The following HSD17B2 variants were observed in gnomAD, a reference collection of about 807,000 sequenced individuals.
HSD17B2 encodes the protein 17-beta-hydroxysteroid dehydrogenase type 2.
Under a neutral mutation model 26.9 loss-of-function variants are expected in HSD17B2, and 32 were observed. That is an observed-to-expected ratio of 1.19 (90% CI 0.90 to 1.60). The LOEUF (loss-of-function observed/expected upper bound fraction) is 1.60, where lower values mean the gene tolerates loss of function less well. HSD17B2 is among the 40% of genes most tolerant of loss of function. HSD17B2 has a pLI of 0.00. For synonymous variants in HSD17B2, 246 were observed against 186.7 expected, an observed-to-expected ratio of 1.32 and a Z score of -2.59; for missense variants, 613 against 468.6, an observed-to-expected ratio of 1.31 and a Z score of -2.85.
chr16:82,097,130 G>A (rs1363779918), intron 4 of HSD17B2: 2 of 151,720 alleles, frequency 1.3e-5, no homozygotes, highest in Non-Finnish European at 2.9e-5. Context: ...GTGGGCTCGA[G>A]GGGTCCTCCC....
chr16:82,064,950 G>C (rs142632359), intron 1 of HSD17B2, among the ~76,000 whole-genome samples: 39 of 152,320 alleles, frequency 2.6e-4, no homozygotes, highest in African/African-American at 8.4e-4. Context: ...ATCGGACACT[G>C]CTTTGGATCT....
chr16:82,085,236 G>T (rs1904493320), intron 3 of HSD17B2, among the ~76,000 whole-genome samples: 1 of 152,186 alleles, frequency 6.6e-6, no homozygotes, highest in African/African-American at 2.4e-5. Context: ...CAGTCTCTCA[G>T]CTGCTCAGTG....
intron 3 of HSD17B2, among the ~76,000 whole-genome samples, chr16:82,079,883 T>C (rs1306285985): frequency 1.3e-5 from 2 of 152,186 alleles, no homozygotes; most frequent in African/African-American, 2.4e-5. Flanking sequence ...ATAGTAACTT[T>C]GGAAACATGC....
At chr16:82,074,680 C>T (rs1220462052) in intron 3 of HSD17B2, among the ~76,000 whole-genome samples, 3 of 152,120 alleles carry the variant, frequency 2.0e-5, no homozygotes, top group Admixed American at 2.0e-4. Context: ...CACCCAACAC[C>T]AGAGCACCCA....
intron 1 of HSD17B2, among the ~76,000 whole-genome samples, chr16:82,039,220 T>G (rs933104518): frequency 6.6e-6 from 1 of 151,092 alleles, no homozygotes; most frequent in African/African-American, 2.4e-5. Flanking sequence ...TTTGGGACTC[T>G]GTTTTCTCCT....
chr16:82,037,836 G>T (rs1913661017), intron 1 of HSD17B2, among the ~76,000 whole-genome samples: 1 of 152,204 alleles, frequency 6.6e-6, no homozygotes, highest in African/African-American at 2.4e-5. Context: ...CACGTCAAAT[G>T]CATAGATTCC....
At chr16:82,073,896 C>T (rs967122462) in intron 3 of HSD17B2, among the ~76,000 whole-genome samples, 4 of 152,068 alleles carry the variant, frequency 2.6e-5, no homozygotes, top group African/African-American at 9.7e-5. Context: ...ATAGTCAAGG[C>T]ACCACTAATC....
intron 1 of HSD17B2, among the ~76,000 whole-genome samples, chr16:82,057,256 T>C (rs1351047999): frequency 6.6e-6 from 1 of 151,668 alleles, no homozygotes; most frequent in East Asian, 1.9e-4. Context: ...TAGAGTGCAG[T>C]GGCGCAATCT....
intron 2 of HSD17B2, among the ~76,000 whole-genome samples, chr16:82,069,391 T>G (rs1411423043): frequency 6.6e-6 from 1 of 152,256 alleles, no homozygotes; most frequent in Non-Finnish European, 1.5e-5. Flanking sequence ...GAATGTATCT[T>G]TGTAATAGAA....
intron 1 of HSD17B2, among the ~76,000 whole-genome samples, chr16:82,066,735 A>AATT (rs8191126): frequency 6.6e-6 from 1 of 152,074 alleles, no homozygotes. Context: ...GGATTTTATT[A>AATT]ATTATTATTA....
intron 3 of HSD17B2, chr16:82,090,299 ATTGTTTTTTTTTTTTTT>A: frequency 1.6e-5 from 1 of 63,274 alleles, no homozygotes; most frequent in Non-Finnish European, 2.6e-5. Context: ...CCTAAACTAC[ATTGTTTTTTTTTTTTTT>A]TTTTTTTTTT....
chr16:82,074,923 G>A (rs1472232183), intron 3 of HSD17B2, among the ~76,000 whole-genome samples: 5 of 152,234 alleles, frequency 3.3e-5, no homozygotes, highest in South Asian at 4.1e-4. Flanking sequence ...CACATGGATC[G>A]TTCTCAAGGA....
chr16:82,089,006 C>G (rs187075831), intron 3 of HSD17B2, among the ~76,000 whole-genome samples: 4 of 152,260 alleles, frequency 2.6e-5, no homozygotes, highest in Admixed American at 1.3e-4. Flanking sequence ...ACTAATCCCT[C>G]TCATCATGAA....
chr16:82,091,659 G>A lies in HSD17B2; in HGVS notation c.802+620G>A, dbSNP rs1207702568. On this transcript the variant is annotated intron_variant, in intron 4 of 4. Coordinates refer to ENST00000199936, the MANE Select transcript of HSD17B2 (RefSeq NM_002153.3). ...AGGGAGGGGCTGGTGTTATCCAAGGGACAGGGCCTTATGCTGCTAGAAACT... is the reference window on the plus strand; with the variant it reads ...AGGGAGGGGCTGGTGTTATCCAAGGAACAGGGCCTTATGCTGCTAGAAACT... The A allele has an allele frequency of 1.9e-5, 3 of 156,256 alleles. No individual in the cohort carries two copies. The East Asian group carries it at 5.7e-4, about 30-fold the overall frequency. 9.7% of individuals were successfully genotyped at this position (156,256 alleles called of 1,614,324 possible). A position where few individuals can be genotyped will look rare whatever the true frequency, so the allele number is the denominator to read the frequency against.
Position 82,036,628 on chromosome 16 carries a change from G to A in HSD17B2, c.265+939G>A, listed in dbSNP as rs150982934. The stretch of plus-strand genomic sequence containing the variant: ...AATCTGGGGCTTGACAATTTGCAGA[G>A]AAACAGACTTTGTTTTTGGGTTAAA... On this transcript the variant is annotated intron_variant, in intron 1 of 4. Coordinates refer to ENST00000199936, the MANE Select transcript of HSD17B2 (RefSeq NM_002153.3). Among the ~76,000 whole-genome samples, 11 of 152,234 alleles carry A rather than the reference G, an allele frequency of 7.2e-5. No homozygotes were observed. The East Asian group carries it at 1.9e-3, about 27-fold the overall frequency.
At chr16:82,087,731 C>G (rs922419314) in intron 3 of HSD17B2, among the ~76,000 whole-genome samples, 2 of 152,072 alleles carry the variant, frequency 1.3e-5, no homozygotes, top group Non-Finnish European at 2.9e-5. Flanking sequence ...TTGATTGGCT[C>G]TTGGTTCTAG....
chr16:82,080,938 GTTTTTGTTT>G (rs1694131594), intron 3 of HSD17B2, among the ~76,000 whole-genome samples: 1 of 152,044 alleles, frequency 6.6e-6, no homozygotes, highest in South Asian at 2.1e-4. Context: ...GGTTGTTGTT[GTTTTTGTTT>G]TTTTTGTTTT....
At chr16:82,090,862 A>G (rs1202647829) in intron 3 of HSD17B2, 40 bp from the exon 4 acceptor site, 1 of 1,559,098 alleles carries the variant, frequency 6.4e-7, no homozygotes, top group East Asian at 2.3e-5. Flanking sequence ...ACAAATGAAC[A>G]TTTCTAACTT....
intron 1 of HSD17B2, among the ~76,000 whole-genome samples, chr16:82,042,690 C>G (rs1327549107): frequency 6.6e-6 from 1 of 151,990 alleles, no homozygotes; most frequent in Non-Finnish European, 1.5e-5. Context: ...GGCACGATCT[C>G]GGCTCACTGC....
Sources: gnomAD v4.1 joint callset for allele counts (sites outside exome capture counted in the v4.1 genomes callset) on GRCh38, gnomAD v4.1.1 for gene constraint, MANE v1.5 for transcripts, NCBI Gene and HGNC (gene_info 2026-07-23, HGNC 2026-07-21) for gene names.